Variants in SPATA16 observed in about 807,000 individuals in gnomAD.
SPATA16 encodes spermatogenesis-associated protein 16.
Under a neutral mutation model 63.3 loss-of-function variants are expected in SPATA16, and 36 were observed. The ratio of observed to expected loss-of-function variants is 0.57; its 90% CI spans 0.44 to 0.75. SPATA16 has a LOEUF of 0.75. Ranked by LOEUF, SPATA16 falls within the 30% of genes least tolerant of loss-of-function variation. The pLI is 0.00. For missense variants in SPATA16, 646 were observed against 679.3 expected (o/e 0.95, Z 0.54); for synonymous variants, 203 against 216.7 (o/e 0.94, Z 0.56).
At chr3:172,988,171 A>G (rs1026057629) in intron 4 of SPATA16, among the ~76,000 whole-genome samples, 1 of 152,118 alleles carries the variant, frequency 6.6e-6, no homozygotes, top group African/African-American at 2.4e-5. Context: ...AATAGAACCA[A>G]AGTATCTTAT....
chr3:172,907,005 T>A (rs368406109), intron 10 of SPATA16, among the ~76,000 whole-genome samples: 1 of 152,182 alleles, frequency 6.6e-6, no homozygotes, highest in Non-Finnish European at 1.5e-5. Context: ...GTTTGGTATA[T>A]GTAAAGTAAA....
At chr3:173,137,822 A>AACACAC (rs1185263699) in intron 1 of SPATA16, among the ~76,000 whole-genome samples, 14,319 of 122,150 alleles carry the variant, frequency 0.12, 1,121 homozygotes, top group Middle Eastern at 0.23. Flanking sequence ...ATGGACTCTC[A>AACACAC]ACACACACAC....
intron 3 of SPATA16, among the ~76,000 whole-genome samples, chr3:173,043,284 A>G (rs941937900): frequency 2.6e-5 from 4 of 151,844 alleles, no homozygotes; most frequent in African/African-American, 9.7e-5. Context: ...TTCATTAGTA[A>G]TTAATTTTAA....
At chr3:172,893,940 A>C (rs1731949465) in intron 10 of SPATA16, among the ~76,000 whole-genome samples, 1 of 152,226 alleles carries the variant, frequency 6.6e-6, no homozygotes, top group South Asian at 2.1e-4. Flanking sequence ...TGAGGGCTCA[A>C]ATAATTTTTT....
intron 4 of SPATA16, among the ~76,000 whole-genome samples, chr3:173,001,846 A>C (rs532568962): frequency 2.0e-4 from 30 of 152,182 alleles, no homozygotes; most frequent in Non-Finnish European, 3.4e-4. Flanking sequence ...ACTTGTTGTT[A>C]GTGTGGAGTA....
chr3:173,099,769 T>C (rs1220825564), intron 2 of SPATA16, among the ~76,000 whole-genome samples: 1 of 152,208 alleles, frequency 6.6e-6, no homozygotes, highest in Non-Finnish European at 1.5e-5. Flanking sequence ...GGTGAGCTGA[T>C]GATTGACCCG....
At chr3:172,948,319 A>G (rs1733342367) in intron 6 of SPATA16, among the ~76,000 whole-genome samples, 1 of 152,252 alleles carries the variant, frequency 6.6e-6, no homozygotes. Context: ...AGGCCGGAGT[A>G]GCATGACATA....
chr3:172,896,004 A>C (rs980505871), intron 10 of SPATA16, among the ~76,000 whole-genome samples: 17 of 150,444 alleles, frequency 1.1e-4, no homozygotes, highest in Admixed American at 4.6e-4. Flanking sequence ...TTTTTTCAGT[A>C]GTGCTGATTG....
chr3:173,012,600 A>T (rs1027645128), intron 4 of SPATA16, among the ~76,000 whole-genome samples: 4 of 152,200 alleles, frequency 2.6e-5, no homozygotes, highest in Non-Finnish European at 2.9e-5. Context: ...ACAGAACAGA[A>T]CAGAGAATCC....
At chr3:172,952,132 G>A (rs1733448708) in intron 6 of SPATA16, among the ~76,000 whole-genome samples, 1 of 152,140 alleles carries the variant, frequency 6.6e-6, no homozygotes, top group Non-Finnish European at 1.5e-5. Flanking sequence ...TCTGTGGAGG[G>A]GGGAGTGTGA....
At chr3:172,951,562 T>C (rs975439631) in intron 6 of SPATA16, among the ~76,000 whole-genome samples, 1 of 152,198 alleles carries the variant, frequency 6.6e-6, no homozygotes, top group African/African-American at 2.4e-5. Flanking sequence ...TTCCCCCTTG[T>C]GTCTGTTTTT....
intron 4 of SPATA16, 89 bp from the exon 5 acceptor site, chr3:172,977,141 G>A: frequency 2.0e-6 from 2 of 1,012,732 alleles, no homozygotes; most frequent in Non-Finnish European, 3.0e-6. Context: ...CAAATACTGA[G>A]GAAGATGATT....
chr3:173,084,491 T>C (rs999603556), intron 2 of SPATA16, among the ~76,000 whole-genome samples: 2 of 152,224 alleles, frequency 1.3e-5, no homozygotes, highest in Non-Finnish European at 2.9e-5. Context: ...TGATGATAGT[T>C]TCTTTTGCTG....
chr3:173,065,349 T>C (rs1736492622), intron 2 of SPATA16, among the ~76,000 whole-genome samples: 1 of 152,206 alleles, frequency 6.6e-6, no homozygotes, highest in African/African-American at 2.4e-5. Flanking sequence ...TCCATCTCTG[T>C]TGCTTCTTAG....
intron 4 of SPATA16, among the ~76,000 whole-genome samples, chr3:173,018,782 G>T (rs2108276006): frequency 6.6e-6 from 1 of 152,228 alleles, no homozygotes; most frequent in South Asian, 2.1e-4. Flanking sequence ...GGATGAGGAA[G>T]AAATAACAGG....
intron 10 of SPATA16, among the ~76,000 whole-genome samples, chr3:172,903,815 A>G (rs1411202471): frequency 3.3e-5 from 5 of 152,186 alleles, no homozygotes; most frequent in Non-Finnish European, 7.4e-5. Flanking sequence ...GCTACCACGA[A>G]GCAGTGTGGG....
chr3:173,079,148 G>A lies in SPATA16; in HGVS notation c.613-30054C>T, dbSNP rs1250179738. Among the ~76,000 whole-genome samples, 3 of 152,066 alleles carry A rather than the reference G, an allele frequency of 2.0e-5. No individual in the cohort carries two copies. The East Asian group carries it at 5.8e-4, about 29-fold the overall frequency. On this transcript the variant is annotated intron_variant, in intron 2 of 10. Transcript: ENST00000351008. ...TTTATAAAGTTACTGTGTGAAATAT[G>A]TTATTGTCCAAAGACTGACAGTGAG... is the stretch of plus-strand genomic sequence containing the variant.
At chr3:172,918,348 A>G (rs1386361099) in intron 8 of SPATA16, among the ~76,000 whole-genome samples, 1 of 152,212 alleles carries the variant, frequency 6.6e-6, no homozygotes, top group Non-Finnish European at 1.5e-5. Flanking sequence ...TAATTTTCCA[A>G]AACGTCAGGA....
chr3:173,000,248 C>T (rs958895732), intron 4 of SPATA16, among the ~76,000 whole-genome samples: 5 of 152,204 alleles, frequency 3.3e-5, no homozygotes, highest in African/African-American at 9.7e-5. Flanking sequence ...TTTGCCAGCA[C>T]CTTAATCTTG....
Sources: gnomAD v4.1 joint callset for allele counts (sites outside exome capture counted in the v4.1 genomes callset) on GRCh38, gnomAD v4.1.1 for gene constraint, MANE v1.5 for transcripts, NCBI Gene and HGNC (gene_info 2026-07-23, HGNC 2026-07-21) for gene names.